Variants in GSE1 observed in about 807,000 individuals in gnomAD.
The protein encoded by GSE1 is genetic suppressor element 1.
A neutral mutation model predicts 112.6 loss-of-function variants in GSE1; 32 were observed. The observed-to-expected ratio is 0.28, with a 90% confidence interval of 0.21 to 0.38. The LOEUF (loss-of-function observed/expected upper bound fraction) is 0.38. GSE1 is among the 10% of genes least tolerant of loss of function. The pLI, the probability that GSE1 is intolerant of heterozygous loss-of-function variation, is 1.00. For synonymous variants in GSE1, 1,115 were observed against 735.6 expected (o/e 1.52, Z -8.35); for missense variants, 2,348 against 1,699.2 (o/e 1.38, Z -6.71).
At position 85,654,837 on chromosome 16, in the gene GSE1, A is replaced by G. The variant is rs747506596; in HGVS notation, c.643A>G (p.Thr215Ala). The part of the protein sequence containing the change: ...VHHVVPPSTV[T>A]EDYLRSFRPY... ...CCACGTGGTGCCCCCCAGTACCGTGACCGAGGACTACCTGAGAAGCTTCCG... is the reference window on the plus strand; with the variant it reads ...CCACGTGGTGCCCCCCAGTACCGTGGCCGAGGACTACCTGAGAAGCTTCCG... Residue 215 changes from threonine to alanine, a missense_variant, in exon 5 of 16, where the codon ACC becomes GCC. Transcript: ENST00000253458. 2 of 1,611,844 alleles carry G rather than the reference A, an allele frequency of 1.2e-6. No individual in the cohort carries two copies. Among genetic ancestry groups the G allele is most frequent in the Admixed American group, 3.3e-5 (2 of 59,964 alleles).
chr16:85,580,416 C>T (rs986843030), intron 1 of GSE1, among the ~76,000 whole-genome samples: 13 of 152,156 alleles, frequency 8.5e-5, no homozygotes, highest in African/African-American at 2.7e-4. Flanking sequence ...ATCCGAACCC[C>T]GCCAAGGAGG....
At chr16:85,520,426 CTAT>C (rs2052143400) in intron 2 of GSE1, among the ~76,000 whole-genome samples, 1 of 149,478 alleles carries the variant, frequency 6.7e-6, no homozygotes, top group African/African-American at 2.4e-5. Context: ...AGCCCTGCTC[CTAT>C]TTTTTTTTTT....
intron 1 of GSE1, among the ~76,000 whole-genome samples, chr16:85,313,844 G>A (rs576638661): frequency 2.8e-3 from 428 of 152,372 alleles, no homozygotes; most frequent in Non-Finnish European, 5.3e-3. Flanking sequence ...GGGGAGTTGG[G>A]AGGCCGGAGG....
chr16:85,560,128 C>CTTTTTTTTTTTTTTTTTTTTTT (rs377241566), intron 1 of GSE1, among the ~76,000 whole-genome samples: 1 of 99,162 alleles, frequency 1.0e-5, no homozygotes, highest in Non-Finnish European at 1.9e-5. Flanking sequence ...TCTTCTTCTT[C>CTTTTTTTTTTTTTTTTTTTTTT]TTTTTTTTTT....
At chr16:85,496,570 G>T (rs1159810784) in intron 2 of GSE1, among the ~76,000 whole-genome samples, 1 of 152,252 alleles carries the variant, frequency 6.6e-6, no homozygotes, top group Non-Finnish European at 1.5e-5. Flanking sequence ...CCCACCCACC[G>T]CTGGCAGCTT....
chr16:85,671,439 C>CAAAAAAAAAAAAA (rs1159665909), intron 15 of GSE1, among the ~76,000 whole-genome samples: 49 of 61,288 alleles, frequency 8.0e-4, no homozygotes, highest in African/African-American at 1.7e-3. Context: ...GACTCCGTCT[C>CAAAAAAAAAAAAA]AAAAAAAAAA....
chr16:85,555,797 G>C, upstream of GSE1: 6 of 974,062 alleles, frequency 6.2e-6, no homozygotes, highest in Non-Finnish European at 7.3e-6. Flanking sequence ...CGCACGTCCT[G>C]GGGGCTGTTT....
chr16:85,399,470 G>C (rs1035116414), intron 2 of GSE1, among the ~76,000 whole-genome samples: 2 of 152,228 alleles, frequency 1.3e-5, no homozygotes, highest in African/African-American at 4.8e-5. Context: ...CCAGCTTCAG[G>C]AAGAGAACGT....
chr16:85,449,019 G>A (rs941194606), intron 2 of GSE1, among the ~76,000 whole-genome samples: 12 of 152,188 alleles, frequency 7.9e-5, no homozygotes, highest in South Asian at 2.1e-4. Context: ...CCTCTCAGGC[G>A]TCAATATTGA....
chr16:85,260,049 G>A (rs1907509095), intron 1 of GSE1, among the ~76,000 whole-genome samples: 2 of 152,212 alleles, frequency 1.3e-5, no homozygotes, highest in South Asian at 4.1e-4. Flanking sequence ...AGATGAGGCA[G>A]TGGAGGAGGG....
intron 1 of GSE1, among the ~76,000 whole-genome samples, chr16:85,626,213 C>T (rs1028394719): frequency 2.0e-5 from 3 of 152,022 alleles, no homozygotes; most frequent in African/African-American, 4.8e-5. Context: ...AGGGTCTCCC[C>T]GCCCCCTCCC....
At chr16:85,224,300 A>G (rs12930797) in intron 1 of GSE1, among the ~76,000 whole-genome samples, 5 of 109,614 alleles carry the variant, frequency 4.6e-5, no homozygotes, top group African/African-American at 1.7e-4. Flanking sequence ...TACTAAAAAT[A>G]CAAAAAAAAA....
At chr16:85,353,003 C>T (rs1430007995) in intron 1 of GSE1, among the ~76,000 whole-genome samples, 1 of 152,244 alleles carries the variant, frequency 6.6e-6, no homozygotes, top group Non-Finnish European at 1.5e-5. Flanking sequence ...TGTATCAGCT[C>T]TCTGTTGCTG....
intron 2 of GSE1, among the ~76,000 whole-genome samples, chr16:85,452,646 G>A (rs2049718604): frequency 6.6e-6 from 1 of 152,258 alleles, no homozygotes. Context: ...GTTCCCACCT[G>A]TGGGAGGCCT....
chr16:85,623,889 C>A (rs1182074845), intron 1 of GSE1, among the ~76,000 whole-genome samples: 1 of 152,192 alleles, frequency 6.6e-6, no homozygotes, highest in Non-Finnish European at 1.5e-5. Context: ...AGCTCCTGTA[C>A]GGCCTGGTCC....
In GSE1 at chr16:85,671,070, C is replaced by T. The variant is rs376466573; in HGVS notation, c.3491C>T (p.Thr1164Met). Reference sequence around the variant, plus strand: ...GCCCGGCACTACAGCCTCAGCCTGACGGCAGAGCAGCTCTCCCACAGCGTG... The same window carrying T: ...GCCCGGCACTACAGCCTCAGCCTGATGGCAGAGCAGCTCTCCCACAGCGTG... Reference protein sequence around the residue: ...LEARHYSLSLTAEQLSHSVAE... With the variant: ...LEARHYSLSLMAEQLSHSVAE... Residue 1164 changes from threonine to methionine, a missense_variant, in exon 15 of 16, where the codon ACG becomes ATG. Thr to Met is a moderately conservative substitution (Grantham distance 81, BLOSUM62 -1). Coordinates refer to ENST00000253458, the MANE Select transcript of GSE1 (RefSeq NM_014615.5). The T allele has an allele frequency of 2.0e-5, 32 of 1,607,862 alleles. No individual in the cohort carries two copies. The highest frequency in any genetic ancestry group is 1.6e-4 in the Middle Eastern group (1 of 6,062).
At chr16:85,595,016 GGGCCTGCACA>G (rs1399182653) in intron 1 of GSE1, 2 of 152,812 alleles carry the variant, frequency 1.3e-5, no homozygotes, top group Non-Finnish European at 2.9e-5. Flanking sequence ...AGGTTCTCTG[GGGCCTGCACA>G]GGCCAGGACG....
At chr16:85,587,239 G>A (rs529719492) in intron 1 of GSE1, among the ~76,000 whole-genome samples, 29 of 152,172 alleles carry the variant, frequency 1.9e-4, no homozygotes, top group African/African-American at 6.0e-4. Flanking sequence ...AGGAAAGAGC[G>A]GACGGGAGAA....
At chr16:85,563,438 C>T (rs1027364117) in intron 1 of GSE1, among the ~76,000 whole-genome samples, 47 of 152,180 alleles carry the variant, frequency 3.1e-4, no homozygotes, top group Non-Finnish European at 8.8e-5. Flanking sequence ...CTGGGGTTGG[C>T]GCTGGTCGTT....
Sources: allele counts gnomAD v4.1 joint callset (sites outside exome capture counted in the v4.1 genomes callset), GRCh38; gene constraint gnomAD v4.1.1; transcripts MANE v1.5; gene names NCBI Gene and HGNC (gene_info 2026-07-23, HGNC 2026-07-21).